The following FAT3 variants were observed in gnomAD, a reference collection of about 807,000 sequenced individuals.
The protein encoded by FAT3 is protocadherin Fat 3.
Under a neutral mutation model 310.2 loss-of-function variants are expected in FAT3, and 95 were observed. That is an observed-to-expected ratio of 0.31 (90% CI 0.26 to 0.36). The LOEUF is 0.36. FAT3 is among the 10% of genes least tolerant of loss of function. The pLI is 1.00. For missense variants in FAT3, 5,408 were observed against 5,715.6 expected (o/e 0.95, Z 1.74); for synonymous variants, 2,314 against 2,192.9 (o/e 1.06, Z -1.54).
chr11:92,499,374 G>C (rs1446389623), intron 2 of FAT3, among the ~76,000 whole-genome samples: 1 of 152,040 alleles, frequency 6.6e-6, no homozygotes, highest in Non-Finnish European at 1.5e-5. Context: ...ATTATATAAA[G>C]TGCAACTGCC....
rs142420786 is a variant in FAT3 at position 92,550,227 on chromosome 11, A to G, written c.3607+25279A>G. Among the ~76,000 whole-genome samples the G allele has an allele frequency of 5.6e-3, 847 of 152,272 alleles. 5 individuals carry two copies. The highest frequency in any genetic ancestry group is 0.019 in the African/African-American group (804 of 41,556). ...TGAGTTCCCCAAGCAAAATTTCCAAAAGGGGTCTTTTTTTCACATATATGA... is the reference window on the plus strand; with the variant it reads ...TGAGTTCCCCAAGCAAAATTTCCAAGAGGGGTCTTTTTTTCACATATATGA... On this transcript the variant is annotated intron_variant, in intron 3 of 27. Coordinates refer to ENST00000525166, the MANE Select transcript of FAT3 (RefSeq NM_001367949.2).
chr11:92,478,937 TTTC>T (rs1382101317), intron 2 of FAT3, among the ~76,000 whole-genome samples: 3 of 86,274 alleles, frequency 3.5e-5, no homozygotes, highest in East Asian at 7.9e-4. Context: ...TTTCCTTCTC[TTTC>T]TTTCTTTCTT....
chr11:92,545,862 C>T (rs1466283590), intron 3 of FAT3, among the ~76,000 whole-genome samples: 2 of 152,166 alleles, frequency 1.3e-5, no homozygotes, highest in African/African-American at 4.8e-5. Flanking sequence ...CACCTCTGGA[C>T]ATGTAGTTGC....
chr11:92,787,397 T>C (rs2136149110), intron 7 of FAT3, among the ~76,000 whole-genome samples: 1 of 151,944 alleles, frequency 6.6e-6, no homozygotes, highest in East Asian at 1.9e-4. Context: ...AAATTAAATA[T>C]TTAAAAAGCA....
At chr11:92,369,076 A>G (rs1259263424) in intron 2 of FAT3, among the ~76,000 whole-genome samples, 1 of 152,130 alleles carries the variant, frequency 6.6e-6, no homozygotes, top group Non-Finnish European at 1.5e-5. Flanking sequence ...AGATCTCTAT[A>G]CTGGCTGCAA....
At chr11:92,534,347 A>G (rs1954178048) in intron 3 of FAT3, among the ~76,000 whole-genome samples, 1 of 152,228 alleles carries the variant, frequency 6.6e-6, no homozygotes, top group East Asian at 1.9e-4. Context: ...CCAGCTGGTC[A>G]GTGCCGAGCT....
rs139301107 is a variant in FAT3, at chr11:92,230,639, G to A, written c.-18+5465G>A. On this transcript the variant is annotated intron_variant, in intron 1 of 27. Coordinates refer to ENST00000525166, the MANE Select transcript of FAT3 (RefSeq NM_001367949.2). The stretch of plus-strand genomic sequence containing the variant: ...AAATTATTTTAAAGTTCTTTTCAGC[G>A]ATATTTACTGAATCTACCTCTTTCA... Among the ~76,000 whole-genome samples the A allele has an allele frequency of 2.6e-3, 400 of 152,210 alleles. 2 individuals carry two copies. The highest frequency in any genetic ancestry group is 9.1e-3 in the African/African-American group (379 of 41,528).
At chr11:92,521,432 C>T (rs1254006243) in intron 2 of FAT3, among the ~76,000 whole-genome samples, 2 of 152,092 alleles carry the variant, frequency 1.3e-5, no homozygotes. Context: ...CAAGATTATC[C>T]CCTGCTTTAG....
At chr11:92,806,607 AG>A in intron 12 of FAT3, 92 bp downstream of exon 12, 29 of 1,116,564 alleles carry the variant, frequency 2.6e-5, no homozygotes, top group Non-Finnish European at 3.3e-5. Flanking sequence ...AATAGTTAGT[AG>A]TATACTTACT....
chr11:92,358,716 C>T (rs1186253260), intron 2 of FAT3, among the ~76,000 whole-genome samples: 2 of 152,110 alleles, frequency 1.3e-5, no homozygotes, highest in African/African-American at 4.8e-5. Context: ...AGAAGTTTGG[C>T]AATTGTATGT....
intron 2 of FAT3, among the ~76,000 whole-genome samples, chr11:92,364,552 A>G (rs555441099): frequency 6.6e-6 from 1 of 152,248 alleles, no homozygotes; most frequent in Non-Finnish European, 1.5e-5. Context: ...ATAAATATTT[A>G]TGTGATGCCA....
chr11:92,660,985 T>G (rs764705021), intron 3 of FAT3, among the ~76,000 whole-genome samples: 1 of 152,134 alleles, frequency 6.6e-6, no homozygotes, highest in Non-Finnish European at 1.5e-5. Flanking sequence ...AGTTAATCAT[T>G]GAAAAAATAT....
chr11:92,808,677 G>A (rs759238023), intron 12 of FAT3, among the ~76,000 whole-genome samples: 3 of 152,044 alleles, frequency 2.0e-5, no homozygotes, highest in South Asian at 4.1e-4. Flanking sequence ...TGTAATCCCC[G>A]CACTTTGGGA....
At position 92,368,845 on chromosome 11, in the gene FAT3, T is replaced by TATATATATAC. The variant is rs1196442457; in HGVS notation, c.3292+13444_3292+13445insTATATACATA. Among the ~76,000 whole-genome samples the TATATATATAC allele has an allele frequency of 8.8e-3, 1,286 of 145,884 alleles. 37 individuals carry two copies. The highest frequency in any genetic ancestry group is 0.033 in the African/African-American group (1,242 of 37,526). On this transcript the variant is annotated intron_variant, in intron 2 of 27. Transcript: ENST00000525166. ...GTTTGTGTGTATACATATATATATA[T>TATATATATAC]ATACACACATACACATATATATATA...
At chr11:92,246,102 T>G (rs1389101968) in intron 1 of FAT3, among the ~76,000 whole-genome samples, 3 of 151,924 alleles carry the variant, frequency 2.0e-5, no homozygotes, top group Admixed American at 1.3e-4. Context: ...TCAATGGATG[T>G]GGGGAGGGAC....
In FAT3 at chr11:92,225,962, G is replaced by T. The variant is rs573637906; in HGVS notation, c.-18+788G>T. Among the ~76,000 whole-genome samples the T allele has an allele frequency of 1.8e-3, 111 of 60,106 alleles. 1 individual carries two copies. In the Admixed American group the frequency reaches 0.023, roughly 12 times the overall value. The allele number at this position is 60,106 out of a possible 152,430, so 39.4% of individuals were successfully genotyped here. On this transcript the variant is annotated intron_variant, in intron 1 of 27. Transcript: ENST00000525166. ...TGTCTTTGAAAAGAAAGCAGCGCGG[G>T]TCTGACCATCCCCAGGAGTGCGGAG...
intron 2 of FAT3, among the ~76,000 whole-genome samples, chr11:92,491,510 A>C (rs1488312000): frequency 1.3e-5 from 2 of 152,000 alleles, no homozygotes; most frequent in African/African-American, 4.8e-5. Context: ...AAAATTCTCC[A>C]AGCAGACAAT....
At position 92,800,525 on chromosome 11, in the gene FAT3, G is replaced by A. The variant is rs1304541829; in HGVS notation, c.7512G>A (p.Glu2504=). 2 of 1,613,928 alleles carry A rather than the reference G, an allele frequency of 1.2e-6. No individual in the cohort carries two copies. Among genetic ancestry groups the A allele is most frequent in the African/African-American group, 1.3e-5 (1 of 75,044 alleles). ...PAFSQSTYVA[E]VRENVAAGTK... ...TTTCACAAAGCACATACGTAGCTGAGGTGAGAGAGAACGTGGCTGCAGGAA... is the reference window on the plus strand; with the variant it reads ...TTTCACAAAGCACATACGTAGCTGAAGTGAGAGAGAACGTGGCTGCAGGAA... Residue 2504 remains glutamate, a synonymous_variant, in exon 10 of 28, where the codon GAG becomes GAA. Coordinates refer to ENST00000525166, the MANE Select transcript of FAT3 (RefSeq NM_001367949.2).
intron 4 of FAT3, among the ~76,000 whole-genome samples, chr11:92,735,336 A>T (rs1369183526): frequency 6.6e-6 from 1 of 152,156 alleles, no homozygotes; most frequent in East Asian, 1.9e-4. Flanking sequence ...TCTTTCCTGG[A>T]AGAGGCTCTC....
Sources: gnomAD v4.1 joint callset for allele counts (sites outside exome capture counted in the v4.1 genomes callset) on GRCh38, gnomAD v4.1.1 for gene constraint, MANE v1.5 for transcripts, NCBI Gene and HGNC (gene_info 2026-07-23, HGNC 2026-07-21) for gene names.